WDR93: variants seen among roughly 807,000 people sequenced by gnomAD.
WDR93 encodes WD repeat-containing protein 93.
In WDR93, 73 loss-of-function variants were observed where a neutral mutation model predicts 82.9. The observed-to-expected ratio is 0.88, with a 90% CI of 0.73 to 1.07. WDR93 has a LOEUF of 1.07. WDR93 is among the 50% of genes least tolerant of loss of function. The pLI, the probability that WDR93 is intolerant of heterozygous loss-of-function variation, is 0.00. For synonymous variants in WDR93, 283 were observed against 300.1 expected (o/e 0.94, Z 0.59); for missense variants, 738 against 826.0 (o/e 0.89, Z 1.31).
At chr15:89,737,828 T>TC in intron 15 of WDR93, 99 bp downstream of exon 15, 1 of 1,531,876 alleles carries the variant, frequency 6.5e-7, no homozygotes, top group East Asian at 2.3e-5. Flanking sequence ...CCACTCTGTG[T>TC]CCCCCTCTAC....
At chr15:89,701,636 GA>G (rs959706726) in intron 1 of WDR93, 70 bp from the exon 2 acceptor site, 59 of 1,335,238 alleles carry the variant, frequency 4.4e-5, no homozygotes, top group Non-Finnish European at 5.6e-5. Flanking sequence ...TATTGTGCTA[GA>G]AAAGGATGAT....
intron 1 of WDR93, among the ~76,000 whole-genome samples, chr15:89,692,230 G>T (rs1964928325): frequency 6.6e-6 from 1 of 152,170 alleles, no homozygotes; most frequent in African/African-American, 2.4e-5. Context: ...GCTGAGAAGG[G>T]CTCATGCAGG....
At chr15:89,743,022 G>C (rs376081034) in intron 16 of WDR93, among the ~76,000 whole-genome samples, 1 of 152,208 alleles carries the variant, frequency 6.6e-6, no homozygotes, top group African/African-American at 2.4e-5. Context: ...ACCACAGCTT[G>C]TTTGCAAATA....
At chr15:89,701,322 T>G (rs1386434392) in intron 1 of WDR93, among the ~76,000 whole-genome samples, 1 of 151,462 alleles carries the variant, frequency 6.6e-6, no homozygotes, top group Non-Finnish European at 1.5e-5. Context: ...GGGAGGAGAG[T>G]CGTGGCTCAC....
chr15:89,717,054 T>TC, intron 7 of WDR93, 105 bp downstream of exon 7: 1 of 696,214 alleles, frequency 1.4e-6, no homozygotes, highest in Non-Finnish European at 2.1e-6. Flanking sequence ...TCTTTTTTTT[T>TC]TTTTTTTTTT....
chr15:89,717,405 G>T (rs1441729119), intron 7 of WDR93, among the ~76,000 whole-genome samples: 1 of 152,162 alleles, frequency 6.6e-6, no homozygotes, highest in Non-Finnish European at 1.5e-5. Flanking sequence ...TGTCAAATAT[G>T]CTAATGAAAT....
At chr15:89,726,694 A>T (rs1328366473) in intron 8 of WDR93, among the ~76,000 whole-genome samples, 1 of 152,170 alleles carries the variant, frequency 6.6e-6, no homozygotes, top group Non-Finnish European at 1.5e-5. Context: ...AAGGAAGGTA[A>T]TTGGGTAAAT....
At chr15:89,711,660 T>C (rs1047194384) in intron 4 of WDR93, among the ~76,000 whole-genome samples, 1 of 152,174 alleles carries the variant, frequency 6.6e-6, no homozygotes, top group African/African-American at 2.4e-5. Context: ...GTCCAGCAAC[T>C]ACCAGAGTTT....
chr15:89,731,498 C>T lies in WDR93; in HGVS notation c.1266C>T (p.Cys422=). Residue 422 remains cysteine, a synonymous_variant, in exon 12 of 17, where the codon TGC becomes TGT. Coordinates refer to ENST00000268130, the MANE Select transcript of WDR93 (RefSeq NM_020212.2). ...AAPIAVSQLS[C]SSSYLVLACE... ...CCATTGCAGTCTCTCAGCTCAGCTG[C>T]TCCTCCTCCTACCTGGTGCTGGCCT... is the stretch of plus-strand genomic sequence containing the variant. 1.2e-6 allele frequency: 2 copies of T among 1,614,178 alleles called. No individual in the cohort carries two copies. The highest frequency in any genetic ancestry group is 1.7e-6 in the Non-Finnish European group (2 of 1,180,024).
intron 9 of WDR93, among the ~76,000 whole-genome samples, chr15:89,728,599 A>C (rs1266668155): frequency 6.6e-6 from 1 of 152,232 alleles, no homozygotes; most frequent in Non-Finnish European, 1.5e-5. Flanking sequence ...TGACACCATG[A>C]AAATCTGCAA....
At chr15:89,694,487 G>A (rs557968213) in intron 1 of WDR93, among the ~76,000 whole-genome samples, 150 of 152,112 alleles carry the variant, frequency 9.9e-4, no homozygotes, top group Non-Finnish European at 1.6e-3. Context: ...TGCCCGCCTT[G>A]GCCTCCCAAA....
At position 89,728,855 on chromosome 15, in the gene WDR93, C is replaced by T. The variant is rs559287493; in HGVS notation, c.1053-168C>T. On this transcript the variant is annotated intron_variant, in intron 9 of 16. Coordinates refer to ENST00000268130, the MANE Select transcript of WDR93 (RefSeq NM_020212.2). ...TGCCCTCACCAGCATCCAAGGTCAG[C>T]GCATCCCACCAGGACCAGCACCTAG... Among the ~76,000 whole-genome samples, 12 of 152,232 alleles carry T rather than the reference C, an allele frequency of 7.9e-5. No individual in the cohort carries two copies. In the East Asian group the frequency reaches 2.1e-3, roughly 27 times the overall value.
chr15:89,737,652 C>T lies in WDR93; in HGVS notation c.1688C>T (p.Pro563Leu), dbSNP rs746209443. The stretch of plus-strand genomic sequence containing the variant: ...GAAATCATCTGTGCCTTTGCCCCTC[C>T]GGGAGCCTTTCCTCTGGAGGTCCCC... ...KREIICAFAP[P>L]GAFPLEVPWK... is the part of the protein sequence containing the mutation. Residue 563 changes from proline to leucine, a missense_variant, in exon 15 of 17, where the codon CCG (proline) becomes CTG (leucine). By Grantham distance (98) the Pro-to-Leu change is moderately conservative. Coordinates refer to ENST00000268130, the MANE Select transcript of WDR93 (RefSeq NM_020212.2). 1.7e-5 allele frequency: 27 copies of T among 1,614,066 alleles called. No homozygotes were observed. The highest frequency in any genetic ancestry group is 4.4e-5 in the South Asian group (4 of 91,092).
chr15:89,726,885 G>C (rs566950650), intron 8 of WDR93, among the ~76,000 whole-genome samples: 1 of 152,232 alleles, frequency 6.6e-6, no homozygotes, highest in South Asian at 2.1e-4. Context: ...CCTGGCCTTT[G>C]CAAATATTCT....
intron 1 of WDR93, among the ~76,000 whole-genome samples, chr15:89,696,224 T>C (rs12440918): frequency 0.43 from 65,995 of 152,066 alleles, 14,853 homozygotes; most frequent in African/African-American, 0.5. Flanking sequence ...ATAAATGGAA[T>C]TGGACTGCAT....
chr15:89,693,595 T>C (rs1441737451), intron 1 of WDR93, among the ~76,000 whole-genome samples: 1 of 152,164 alleles, frequency 6.6e-6, no homozygotes, highest in Non-Finnish European at 1.5e-5. Flanking sequence ...ACATACCCAG[T>C]TTCTCAGAAA....
rs112250240 is a variant in WDR93 at position 89,738,063 on chromosome 15, G to A, written c.1788G>A (p.Ala596=). 111 of 1,612,490 alleles carry A rather than the reference G, an allele frequency of 6.9e-5. No homozygotes were observed. Among genetic ancestry groups the A allele is most frequent in the African/African-American group, 4.0e-4 (30 of 74,898 alleles). The part of the protein sequence containing the change: ...LLRGDYSHET[A]STDDAGIQYS... The stretch of plus-strand genomic sequence containing the variant: ...CAGGAGACTATTCACATGAAACTGC[G>A]TCCACCGACGATGCTGGAATCCAAT... The change falls in exon 16 of 17, where the codon GCG becomes GCA. Residue 596 remains alanine (A), a synonymous_variant. Coordinates refer to ENST00000268130, the MANE Select transcript of WDR93 (RefSeq NM_020212.2).
intron 14 of WDR93, 56 bp downstream of exon 14, chr15:89,735,609 A>G: frequency 1.9e-6 from 3 of 1,547,506 alleles, no homozygotes; most frequent in Admixed American, 1.7e-5. Context: ...CTCTTCTGTG[A>G]ATGTGTTCAT....
In WDR93 at chr15:89,712,798, C is replaced by T. The variant is rs557939495; in HGVS notation, c.640+694C>T. ...ATCCTCTGTAAGGAGCAAGTCACTA[C>T]ATCCAGACCACACTCAAGGGAAAAT... On this transcript the variant is annotated intron_variant, in intron 5 of 16. Coordinates refer to ENST00000268130, the MANE Select transcript of WDR93 (RefSeq NM_020212.2). 4.6e-5 allele frequency among the ~76,000 whole-genome samples: 7 copies of T among 152,226 alleles called. No individual in the cohort carries two copies. In the South Asian group the frequency reaches 1.2e-3, roughly 27 times the overall value.
Sources: gnomAD v4.1 joint callset for allele counts (sites outside exome capture counted in the v4.1 genomes callset) on GRCh38, gnomAD v4.1.1 for gene constraint, MANE v1.5 for transcripts, NCBI Gene and HGNC (gene_info 2026-07-23, HGNC 2026-07-21) for gene names.